The following CADPS2 variants were observed in gnomAD, a reference collection of about 807,000 sequenced individuals.
The protein encoded by CADPS2 is calcium-dependent secretion activator 2.
A neutral mutation model predicts 172.5 loss-of-function variants in CADPS2; 93 were observed. The observed-to-expected ratio is 0.54, with a 90% CI of 0.46 to 0.64. The LOEUF is 0.64. CADPS2 is among the 30% of genes least tolerant of loss of function. CADPS2 has a pLI of 0.00. For missense variants in CADPS2, 1,420 were observed against 1,565.9 expected (o/e 0.91, Z 1.57); for synonymous variants, 546 against 555.2 (o/e 0.98, Z 0.23).
chr7:122,673,619 TAC>T (rs1227531998), intron 2 of CADPS2, among the ~76,000 whole-genome samples: 2 of 151,832 alleles, frequency 1.3e-5, no homozygotes, highest in African/African-American at 2.4e-5. Flanking sequence ...ATTAGCTAAA[TAC>T]AGAGTGCTGA....
At chr7:122,707,394 C>A (rs1238944597) in intron 2 of CADPS2, among the ~76,000 whole-genome samples, 1 of 151,974 alleles carries the variant, frequency 6.6e-6, no homozygotes, top group African/African-American at 2.4e-5. Context: ...CTGACCTCTA[C>A]CCCTCTGCTA....
intron 28 of CADPS2, among the ~76,000 whole-genome samples, chr7:122,329,649 A>C (rs2034566772): frequency 6.6e-6 from 1 of 152,216 alleles, no homozygotes; most frequent in Non-Finnish European, 1.5e-5. Context: ...CCTAATTTAT[A>C]ACATTTTGAG....
chr7:122,722,205 GAGAA>G (rs2090499867), intron 2 of CADPS2, among the ~76,000 whole-genome samples: 1 of 151,996 alleles, frequency 6.6e-6, no homozygotes, highest in Non-Finnish European at 1.5e-5. Flanking sequence ...AATCAGGCAG[GAGAA>G]AGAAAGAAAG....
At chr7:122,368,212 AT>A in intron 25 of CADPS2, 1 of 152,240 alleles carries the variant, frequency 6.6e-6, no homozygotes, top group Non-Finnish European at 1.5e-5. Flanking sequence ...AAGGTATCCC[AT>A]TTTCATCTAC....
chr7:122,450,614 C>T (rs888096804), intron 15 of CADPS2, among the ~76,000 whole-genome samples: 8 of 146,158 alleles, frequency 5.5e-5, no homozygotes, highest in Middle Eastern at 3.6e-3. Flanking sequence ...ACTGCAGCCT[C>T]GACCTCCCCA....
chr7:122,678,334 A>G (rs1212663184), intron 2 of CADPS2, among the ~76,000 whole-genome samples: 3 of 152,196 alleles, frequency 2.0e-5, no homozygotes, highest in South Asian at 2.1e-4. Context: ...TATTCATCCA[A>G]TGGATTCTTC....
Position 122,611,933 on chromosome 7 carries a change from A to G in CADPS2, c.1223+3248T>C, listed in dbSNP as rs576463625. 2.6e-5 allele frequency among the ~76,000 whole-genome samples: 4 copies of G among 152,212 alleles called. No individual in the cohort carries two copies. In the South Asian group the frequency reaches 8.3e-4, roughly 32 times the overall value. ...TGAAAATCAAATAATGTATTACATC[A>G]TATCAACAGAATAAAAGACAAAATC... On this transcript the variant is annotated intron_variant, in intron 6 of 29. Transcript: ENST00000449022.
intron 6 of CADPS2, among the ~76,000 whole-genome samples, chr7:122,590,910 T>A (rs1420336195): frequency 6.6e-6 from 1 of 151,992 alleles, no homozygotes; most frequent in Non-Finnish European, 1.5e-5. Flanking sequence ...ATTTACTGAA[T>A]GTATTTTAAA....
chr7:122,881,270 A>G (rs541970598), intron 1 of CADPS2, among the ~76,000 whole-genome samples: 120 of 152,338 alleles, frequency 7.9e-4, no homozygotes, highest in African/African-American at 2.6e-3. Flanking sequence ...CAGTCATTAT[A>G]TATCAAAATC....
At position 122,602,122 on chromosome 7, in the gene CADPS2, G is replaced by A. The variant is rs1251552764; in HGVS notation, c.1223+13059C>T. 3.3e-5 allele frequency among the ~76,000 whole-genome samples: 5 copies of A among 151,748 alleles called. No individual in the cohort carries two copies. In the East Asian group the frequency reaches 9.7e-4, roughly 29 times the overall value. ...GAGTTAAAAGTTTCCGTTAAAGCAG[G>A]AGAACCTGTAGCAGATTCACATACC... On this transcript the variant is annotated intron_variant, in intron 6 of 29. Transcript: ENST00000449022.
intron 20 of CADPS2, among the ~76,000 whole-genome samples, chr7:122,402,342 G>C (rs1192138976): frequency 6.6e-6 from 1 of 152,102 alleles, no homozygotes; most frequent in East Asian, 1.9e-4. Flanking sequence ...AAATGAGACT[G>C]AACTGGAGAC....
intron 2 of CADPS2, among the ~76,000 whole-genome samples, chr7:122,664,362 G>A (rs762017178): frequency 1.3e-4 from 20 of 152,036 alleles, no homozygotes; most frequent in Admixed American, 8.5e-4. Context: ...AAAGAATGGA[G>A]GCTTGGAAAG....
intron 26 of CADPS2, 54 bp from the exon 27 acceptor site, chr7:122,360,874 T>C (rs567686059): frequency 1.3e-6 from 2 of 1,593,964 alleles, no homozygotes; most frequent in African/African-American, 2.7e-5. Flanking sequence ...AACTGCCATA[T>C]AAGTACTATG....
chr7:122,406,574 G>A (rs181935919), intron 20 of CADPS2, among the ~76,000 whole-genome samples: 1 of 152,306 alleles, frequency 6.6e-6, no homozygotes, highest in East Asian at 1.9e-4. Context: ...GAAGAACACT[G>A]AGAAATGGAG....
rs1277126586 is a variant in CADPS2, at chr7:122,752,774, G to A, written c.340-15706C>T. On this transcript the variant is annotated intron_variant, in intron 1 of 29. Transcript: ENST00000449022. The stretch of plus-strand genomic sequence containing the variant: ...TATATAAACCCCTCAGTCCTTTGAA[G>A]TATGTAACAGCTTAACACTAGCTCA... Among the ~76,000 whole-genome samples the A allele has an allele frequency of 2.0e-5, 3 of 152,130 alleles. No homozygotes were observed. In the East Asian group the frequency reaches 5.8e-4, roughly 29 times the overall value.
intron 1 of CADPS2, among the ~76,000 whole-genome samples, chr7:122,737,387 C>T (rs1002087005): frequency 6.6e-6 from 1 of 152,076 alleles, no homozygotes; most frequent in African/African-American, 2.4e-5. Context: ...TCACGCCTTG[C>T]TAATTTTTGT....
intron 1 of CADPS2, among the ~76,000 whole-genome samples, chr7:122,836,966 A>G (rs1403508239): frequency 1.3e-5 from 2 of 152,152 alleles, no homozygotes; most frequent in African/African-American, 2.4e-5. Flanking sequence ...CCAAATCAAC[A>G]GAATATACAT....
intron 1 of CADPS2, among the ~76,000 whole-genome samples, chr7:122,781,449 T>G (rs1792698232): frequency 6.6e-6 from 1 of 152,172 alleles, no homozygotes; most frequent in Non-Finnish European, 1.5e-5. Context: ...AGATTCTGTC[T>G]TATTTTTAAT....
chr7:122,534,811 T>C (rs2062085441), intron 8 of CADPS2, among the ~76,000 whole-genome samples: 2 of 152,190 alleles, frequency 1.3e-5, no homozygotes, highest in African/African-American at 2.4e-5. Context: ...AATTTCAAAA[T>C]ATGTGAATAT....
Sources: allele counts gnomAD v4.1 joint callset (sites outside exome capture counted in the v4.1 genomes callset), GRCh38; gene constraint gnomAD v4.1.1; transcripts MANE v1.5; gene names NCBI Gene and HGNC (gene_info 2026-07-23, HGNC 2026-07-21).